Variants in CNNM1 observed in about 807,000 individuals in gnomAD.
CNNM1 encodes the protein cyclin and CBS domain divalent metal cation transport mediator 1, also known as metal transporter CNNM1.
Under a neutral mutation model 78.8 loss-of-function variants are expected in CNNM1, and 44 were observed. The observed-to-expected ratio is 0.56, with a 90% CI of 0.44 to 0.72. The LOEUF (loss-of-function observed/expected upper bound fraction) is 0.72. CNNM1 is among the 30% of genes least tolerant of loss of function. The pLI is 0.00. For synonymous variants in CNNM1, 584 were observed against 581.5 expected (o/e 1.00, Z -0.06); for missense variants, 1,101 against 1,292.2 (o/e 0.85, Z 2.27).
intron 7 of CNNM1, chr10:99,377,459 TGAG>T: frequency 2.9e-6 from 1 of 340,720 alleles, no homozygotes. Flanking sequence ...TGTGGGGAAA[TGAG>T]GCACAAAGCA....
chr10:99,358,203 T>C (rs1399999759), intron 2 of CNNM1, among the ~76,000 whole-genome samples: 3 of 152,236 alleles, frequency 2.0e-5, no homozygotes, highest in Non-Finnish European at 4.4e-5. Context: ...GTTCTCTCCC[T>C]GCCACCAGCA....
chr10:99,380,465 A>AC (rs1416222145), intron 7 of CNNM1, among the ~76,000 whole-genome samples: 2 of 152,136 alleles, frequency 1.3e-5, no homozygotes. Context: ...TAAGATGATC[A>AC]CCTAGCATTA....
chr10:99,370,249 T>C (rs2031756114), intron 6 of CNNM1, among the ~76,000 whole-genome samples: 1 of 152,174 alleles, frequency 6.6e-6, no homozygotes, highest in Non-Finnish European at 1.5e-5. Context: ...TTCCCCCCTT[T>C]TCCATGACTG....
chr10:99,358,317 G>A (rs766615893), intron 2 of CNNM1, among the ~76,000 whole-genome samples: 13 of 152,138 alleles, frequency 8.5e-5, no homozygotes, highest in Non-Finnish European at 1.5e-4. Context: ...AGTACTTTGG[G>A]TTACTGAACC....
intron 2 of CNNM1, among the ~76,000 whole-genome samples, chr10:99,359,546 C>T (rs2031353911): frequency 6.6e-6 from 1 of 152,142 alleles, no homozygotes; most frequent in Non-Finnish European, 1.5e-5. Flanking sequence ...AGTGTCAAAG[C>T]AGGGGCCAGA....
At chr10:99,343,818 G>C (rs928915752) in intron 1 of CNNM1, among the ~76,000 whole-genome samples, 1 of 151,756 alleles carries the variant, frequency 6.6e-6, no homozygotes, top group African/African-American at 2.4e-5. Context: ...GGGTTCAAGC[G>C]ATTCTCCTGC....
rs1241624384 is a variant in CNNM1, at chr10:99,360,878, G to A, written c.1761G>A (p.Lys587=). Residue 587 remains lysine, a synonymous_variant, in exon 3 of 11, where the codon AAG becomes AAA. Coordinates refer to ENST00000356713, the MANE Select transcript of CNNM1 (RefSeq NM_020348.3). ...AGAGGGTCCCGCAACGGGAGCGGAA[G>A]CGGCATGACTTCTCCTTGTTTAAGC... ...KKQRVPQRER[K]RHDFSLFKLS... 4 of 1,612,570 alleles carry A rather than the reference G, an allele frequency of 2.5e-6. No individual in the cohort carries two copies. The highest frequency in any genetic ancestry group is 3.4e-6 in the Non-Finnish European group (4 of 1,178,726).
At chr10:99,332,995 C>T (rs146598618) in intron 1 of CNNM1, among the ~76,000 whole-genome samples, 5 of 152,270 alleles carry the variant, frequency 3.3e-5, no homozygotes, top group African/African-American at 1.2e-4. Context: ...TTTATTTCCT[C>T]AAAGATCTGG....
At chr10:99,337,129 G>T (rs530240723) in intron 1 of CNNM1, among the ~76,000 whole-genome samples, 1 of 152,304 alleles carries the variant, frequency 6.6e-6, no homozygotes, top group Non-Finnish European at 1.5e-5. Context: ...GTACTAAGTA[G>T]ATGTTAGCTA....
rs1374540537 is a variant in CNNM1 at position 99,391,461 on chromosome 10, C to G, written c.2801C>G (p.Pro934Arg). The G allele has an allele frequency of 5.6e-6, 9 of 1,613,920 alleles. No individual in the cohort carries two copies. The highest frequency in any genetic ancestry group is 1.6e-4 in the Middle Eastern group (1 of 6,062). The change falls in exon 11 of 11, where the codon CCA becomes CGA. Residue 934 changes from proline to arginine, a missense_variant. Transcript: ENST00000356713. ...GGTGGCCAAAAAAGGAAGAGGTCAC[C>G]AGAAGGAGAGAGAACCTCTGAGGAC... is the stretch of plus-strand genomic sequence containing the variant. ...TLSGQKRKRS[P>R]EGERTSEDNS...
At chr10:99,377,019 C>G (rs1303902266) in intron 6 of CNNM1, 36 bp from the exon 7 acceptor site, 2 of 1,530,390 alleles carry the variant, frequency 1.3e-6, no homozygotes, top group Non-Finnish European at 1.8e-6. Context: ...CCCACCCATC[C>G]CTCCTTGTCT....
In CNNM1 at chr10:99,365,228, A is replaced by G. The variant is rs2031574881; in HGVS notation, c.2176+226A>G. The G allele has an allele frequency of 7.9e-6, 5 of 630,842 alleles. No homozygotes were observed. In the Admixed American group the frequency reaches 9.6e-5, roughly 12 times the overall value. The allele number at this position is 630,842 out of a possible 1,614,324, so 39.1% of individuals were successfully genotyped here. On this transcript the variant is annotated intron_variant, in intron 6 of 10. Transcript: ENST00000356713. ...TGTTTTCTGCTGCTTCTCTGCTCAC[A>G]TGGTTGGGGGGATGCAGGGGTTGTG...
At chr10:99,333,879 G>A (rs770065482) in intron 1 of CNNM1, among the ~76,000 whole-genome samples, 2 of 152,056 alleles carry the variant, frequency 1.3e-5, no homozygotes, top group African/African-American at 4.8e-5. Context: ...AAACCTGGTC[G>A]AAAAAAGCTC....
At chr10:99,364,856 G>T in intron 5 of CNNM1, 99 bp from the exon 6 acceptor site, 1 of 1,139,838 alleles carries the variant, frequency 8.8e-7, no homozygotes, top group Non-Finnish European at 1.3e-6. Context: ...GTTTTTACAG[G>T]GTTAATTGGT....
At chr10:99,339,769 A>G (rs2030360651) in intron 1 of CNNM1, among the ~76,000 whole-genome samples, 1 of 152,186 alleles carries the variant, frequency 6.6e-6, no homozygotes, top group Non-Finnish European at 1.5e-5. Context: ...CAGACACACA[A>G]TGTGACCTTT....
In CNNM1 at chr10:99,387,826, C is replaced by A. The variant is rs530270399; in HGVS notation, c.2347C>A (p.Arg783=). The change falls in exon 8 of 11, where the codon CGG becomes AGG. Residue 783 remains arginine, a synonymous_variant. Transcript: ENST00000356713. ...CCTGCCCTCTTCCTTCCAGATCACACGGCAGCAATATCAGAACGCACTCAC... is the reference window on the plus strand; with the variant it reads ...CCTGCCCTCTTCCTTCCAGATCACAAGGCAGCAATATCAGAACGCACTCAC... ...LSDVQFVKIT[R]QQYQNALTAC... 12 of 1,597,582 alleles carry A rather than the reference C, an allele frequency of 7.5e-6. No individual in the cohort carries two copies. The highest frequency in any genetic ancestry group is 3.4e-4 in the Middle Eastern group (2 of 5,964).
chr10:99,366,498 C>T (rs2031623354), intron 6 of CNNM1, among the ~76,000 whole-genome samples: 1 of 151,496 alleles, frequency 6.6e-6, no homozygotes, highest in Admixed American at 6.6e-5. Context: ...AAAGAAATTG[C>T]TGTGGCCGGG....
chr10:99,345,868 A>AT (rs1236832565), intron 1 of CNNM1, among the ~76,000 whole-genome samples: 1 of 152,002 alleles, frequency 6.6e-6, no homozygotes, highest in Non-Finnish European at 1.5e-5. Context: ...ATTTAAAAAA[A>AT]TTTTTTTAAG....
chr10:99,347,008 A>T (rs2030722783), intron 1 of CNNM1, among the ~76,000 whole-genome samples: 1 of 152,136 alleles, frequency 6.6e-6, no homozygotes, highest in Non-Finnish European at 1.5e-5. Context: ...AAATAATGAG[A>T]ACACGTGGAC....
Sources: gnomAD v4.1 joint callset for allele counts (sites outside exome capture counted in the v4.1 genomes callset) on GRCh38, gnomAD v4.1.1 for gene constraint, MANE v1.5 for transcripts, NCBI Gene and HGNC (gene_info 2026-07-23, HGNC 2026-07-21) for gene names.